KAZN: variants seen among roughly 807,000 people sequenced by gnomAD.
KAZN encodes the protein kazrin.
In KAZN, 40 loss-of-function variants were observed where a neutral mutation model predicts 87.4. The ratio of observed to expected loss-of-function variants is 0.46; its 90% CI spans 0.36 to 0.60. The LOEUF is 0.60. Among genes scored for constraint, KAZN ranks in the 20% least tolerant of loss-of-function variants. The probability of loss-of-function intolerance (pLI) is 0.00; values close to 1 mark genes in which losing one functional copy is unlikely to be tolerated. For missense variants in KAZN, 898 were observed against 1,073.9 expected (o/e 0.84, Z 2.29); for synonymous variants, 466 against 458.3 (o/e 1.02, Z -0.22).
At chr1:14,066,355 G>A (rs1209736950) in intron 1 of KAZN, among the ~76,000 whole-genome samples, 3 of 152,062 alleles carry the variant, frequency 2.0e-5, no homozygotes, top group Admixed American at 1.3e-4. Context: ...TTGCCGGATC[G>A]AACGGTAGAT....
At chr1:14,248,716 T>C (rs1192958121) in intron 2 of KAZN, among the ~76,000 whole-genome samples, 1 of 152,170 alleles carries the variant, frequency 6.6e-6, no homozygotes, top group Non-Finnish European at 1.5e-5. Flanking sequence ...TAAAACATGT[T>C]CCCAAATTCT....
intron 1 of KAZN, among the ~76,000 whole-genome samples, chr1:14,045,107 T>A (rs1642009494): frequency 6.6e-6 from 1 of 152,198 alleles, no homozygotes; most frequent in African/African-American, 2.4e-5. Context: ...TGGAAGTAGA[T>A]CTTCCAGCCT....
intron 2 of KAZN, among the ~76,000 whole-genome samples, chr1:14,384,246 TC>T (rs1270312599): frequency 6.6e-6 from 1 of 151,850 alleles, no homozygotes; most frequent in Non-Finnish European, 1.5e-5. Context: ...AGATATACAA[TC>T]ATGTCATCTG....
intron 1 of KAZN, among the ~76,000 whole-genome samples, chr1:14,662,959 G>GCACA (rs200785038): frequency 9.1e-6 from 1 of 110,422 alleles, no homozygotes; most frequent in South Asian, 3.2e-4. Context: ...ATATATATAT[G>GCACA]CACACATATA....
chr1:14,914,392 C>T (rs1377215612), intron 1 of KAZN, among the ~76,000 whole-genome samples: 1 of 152,228 alleles, frequency 6.6e-6, no homozygotes, highest in Non-Finnish European at 1.5e-5. Context: ...AAACCCCCAT[C>T]GGTGTTGGGA....
At chr1:14,535,745 G>A (rs905595842) in intron 2 of KAZN, among the ~76,000 whole-genome samples, 6 of 152,068 alleles carry the variant, frequency 3.9e-5, no homozygotes, top group South Asian at 2.1e-4. Flanking sequence ...GAAAACTGAC[G>A]GCTGCTCTTC....
At chr1:14,015,457 T>G (rs1365519666) in intron 1 of KAZN, among the ~76,000 whole-genome samples, 2 of 91,018 alleles carry the variant, frequency 2.2e-5, no homozygotes, top group African/African-American at 7.8e-5. Context: ...GTGTTACATC[T>G]ACTTTTTTTT....
intron 1 of KAZN, among the ~76,000 whole-genome samples, chr1:14,115,096 T>A (rs1196513067): frequency 2.0e-5 from 3 of 152,218 alleles, no homozygotes; most frequent in Non-Finnish European, 1.5e-5. Context: ...ACATTGATCT[T>A]CCACAGTGCT....
chr1:14,918,707 A>T (rs2807566), intron 1 of KAZN, among the ~76,000 whole-genome samples: 6 of 24,574 alleles, frequency 2.4e-4, no homozygotes, highest in African/African-American at 9.8e-4. Context: ...AAAAAAAAAA[A>T]ATATATATAT....
chr1:14,520,871 C>A (rs917873528), intron 2 of KAZN, among the ~76,000 whole-genome samples: 1 of 152,210 alleles, frequency 6.6e-6, no homozygotes, highest in Admixed American at 6.5e-5. Context: ...GCAGAATAAT[C>A]CCAGCACCTG....
At chr1:14,564,160 C>T (rs1263968910) in intron 2 of KAZN, among the ~76,000 whole-genome samples, 3 of 152,076 alleles carry the variant, frequency 2.0e-5, no homozygotes, top group Non-Finnish European at 2.9e-5. Context: ...CAGGCCCCAG[C>T]GCACCTCTTC....
intron 1 of KAZN, among the ~76,000 whole-genome samples, chr1:14,655,732 G>A (rs1219002940): frequency 6.6e-6 from 1 of 152,176 alleles, no homozygotes; most frequent in Non-Finnish European, 1.5e-5. Context: ...TCGAACTTTT[G>A]CATCTACCGA....
chr1:14,811,216 G>A (rs900888076), intron 1 of KAZN, among the ~76,000 whole-genome samples: 1 of 151,978 alleles, frequency 6.6e-6, no homozygotes, highest in East Asian at 1.9e-4. Flanking sequence ...TCCCCTCACA[G>A]TAATTAGCAC....
intron 2 of KAZN, among the ~76,000 whole-genome samples, chr1:15,027,105 A>G: frequency 1.9e-5 from 1 of 53,478 alleles, no homozygotes; most frequent in Non-Finnish European, 3.5e-5. Flanking sequence ...TTTTTGAGAC[A>G]GAGTCTCGCT....
At chr1:14,737,602 C>T (rs1016864772) in intron 1 of KAZN, among the ~76,000 whole-genome samples, 1 of 152,214 alleles carries the variant, frequency 6.6e-6, no homozygotes, top group African/African-American at 2.4e-5. Flanking sequence ...GTTCAGAAGT[C>T]TGGCCATGGC....
chr1:14,331,941 TAA>T (rs1447035133), intron 2 of KAZN, among the ~76,000 whole-genome samples: 1 of 152,192 alleles, frequency 6.6e-6, no homozygotes, highest in Non-Finnish European at 1.5e-5. Flanking sequence ...TTTTTATACT[TAA>T]TATTATATTT....
At chr1:14,105,955 C>G (rs763969848) in intron 1 of KAZN, among the ~76,000 whole-genome samples, 1 of 152,232 alleles carries the variant, frequency 6.6e-6, no homozygotes, top group Non-Finnish European at 1.5e-5. Context: ...TCTGCATTCT[C>G]TACCCGCTCC....
Position 14,909,349 on chromosome 1 carries a change from C to T in KAZN, c.227-51335C>T, listed in dbSNP as rs372250539. ...CTATCTTGGCAAGGATTCCCCATGGCCTCTGCCCTCTCTCTCCACTTAGCT... is the reference window on the plus strand; with the variant it reads ...CTATCTTGGCAAGGATTCCCCATGGTCTCTGCCCTCTCTCTCCACTTAGCT... On this transcript the variant is annotated intron_variant, in intron 1 of 14. Coordinates refer to ENST00000376030, the MANE Select transcript of KAZN (RefSeq NM_201628.3). 4.6e-5 allele frequency among the ~76,000 whole-genome samples: 7 copies of T among 152,270 alleles called. No homozygotes were observed. The East Asian group carries it at 9.6e-4, about 21-fold the overall frequency.
chr1:13,930,579 G>A (rs563268121), intron 1 of KAZN, among the ~76,000 whole-genome samples: 2 of 152,256 alleles, frequency 1.3e-5, no homozygotes, highest in African/African-American at 4.8e-5. Flanking sequence ...TGCTAGGGCT[G>A]GGGAAACAGA....
Sources: allele counts gnomAD v4.1 joint callset (sites outside exome capture counted in the v4.1 genomes callset), GRCh38; gene constraint gnomAD v4.1.1; transcripts MANE v1.5; gene names NCBI Gene and HGNC (gene_info 2026-07-23, HGNC 2026-07-21).